Variants in PCM1 observed in about 807,000 individuals in gnomAD.
PCM1 encodes the protein pericentriolar material 1.
PCM1 carries 157 observed loss-of-function variants against 241.9 expected under a neutral mutation model. The observed-to-expected ratio is 0.65, with a 90% CI of 0.57 to 0.74. The LOEUF (loss-of-function observed/expected upper bound fraction) is 0.74, where lower values mean the gene tolerates loss of function less well. Among genes scored for constraint, PCM1 ranks in the 30% least tolerant of loss-of-function variants. The pLI, the probability that PCM1 is intolerant of heterozygous loss-of-function variation, is 0.00. For synonymous variants in PCM1, 1,085 were observed against 784.9 expected, an observed-to-expected ratio of 1.38 and a Z score of -6.39; for missense variants, 3,478 against 2,360.1, an observed-to-expected ratio of 1.47 and a Z score of -9.81.
At chr8:17,955,246 G>A (rs1439167220) in intron 9 of PCM1, among the ~76,000 whole-genome samples, 1 of 151,972 alleles carries the variant, frequency 6.6e-6, no homozygotes, top group Non-Finnish European at 1.5e-5. Context: ...TGGTTATATT[G>A]TAAAGGTGAT....
At chr8:17,953,674 C>A (rs2066916795) in intron 9 of PCM1, among the ~76,000 whole-genome samples, 1 of 152,086 alleles carries the variant, frequency 6.6e-6, no homozygotes, top group African/African-American at 2.4e-5. Flanking sequence ...GATTTATATT[C>A]ATTTTTAAAA....
chr8:17,989,678 C>G (rs1179442710), intron 26 of PCM1, among the ~76,000 whole-genome samples, 181 bp from the exon 27 acceptor site: 3 of 151,980 alleles, frequency 2.0e-5, no homozygotes, highest in Admixed American at 2.0e-4. Flanking sequence ...CTCTGTGACT[C>G]TGTATTCAGC....
Position 17,980,857 on chromosome 8 carries a change from A to G in PCM1, c.4108+102A>G, listed in dbSNP as rs898706106. ...TAAAATTGGTGTTTCACACGTATCT[A>G]TCATGTGGAAGGTTTTATAGTGGAA... On this transcript the variant is annotated intron_variant, in intron 24 of 38. Transcript: ENST00000325083. 3 of 779,020 alleles carry G rather than the reference A, an allele frequency of 3.9e-6. No homozygotes were observed. The Admixed American group carries it at 8.4e-5, about 22-fold the overall frequency. 48.3% of individuals were successfully genotyped at this position (779,020 alleles called of 1,614,324 possible).
Position 18,004,971 on chromosome 8 carries a change from T to G in PCM1, c.4828-1292T>G, listed in dbSNP as rs76525608. Among the ~76,000 whole-genome samples the G allele has an allele frequency of 5.6e-4, 86 of 152,318 alleles. 1 individual carries two copies. The East Asian group carries it at 0.015, about 27-fold the overall frequency. The stretch of plus-strand genomic sequence containing the variant: ...CTACTCTCCATCTAGGTACATTCAC[T>G]TCACATTATTCAACATTTTCCATAT... On this transcript the variant is annotated intron_variant, in intron 29 of 38. Transcript: ENST00000325083.
Position 17,964,681 on chromosome 8 carries a change from A to T in PCM1, c.2768A>T (p.Gln923Leu). The T allele has an allele frequency of 6.2e-7, 1 of 1,613,972 alleles. No homozygotes were observed. Among genetic ancestry groups the T allele is most frequent in the Non-Finnish European group, 8.5e-7 (1 of 1,179,828 alleles). ...ACAGATGAAGAGGAGGAAGAAGAGC[A>T]AGATGCCAGTTCCAATGATAACTTT... ...VRTDEEEEEE[Q>L]DASSNDNFSV... is the part of the protein sequence containing the mutation. The change falls in exon 18 of 39, where the codon CAA becomes CTA. Residue 923 changes from glutamine to leucine, a missense_variant. Transcript: ENST00000325083.
rs139309679 is a variant in PCM1 at position 17,957,919 on chromosome 8, A to C, written c.2040+144A>C. On this transcript the variant is annotated intron_variant, in intron 13 of 38. Coordinates refer to ENST00000325083, the MANE Select transcript of PCM1 (RefSeq NM_006197.4). ...GAGGTTTAAATTTTTAGCACTTTAC[A>C]TGCTGTATGTCAGAGGTCAGCAACC... The C allele has an allele frequency of 4.5e-3, 2,795 of 618,194 alleles. 7 individuals are homozygous for C. The highest frequency in any genetic ancestry group is 6.7e-3 in the Non-Finnish European group (2,386 of 358,170). 38.3% of individuals were successfully genotyped at this position (618,194 alleles called of 1,614,324 possible). A position where few individuals can be genotyped will look rare whatever the true frequency, so the allele number is the denominator to read the frequency against.
chr8:17,996,987 C>G (rs1188007321), intron 29 of PCM1, among the ~76,000 whole-genome samples: 1 of 152,090 alleles, frequency 6.6e-6, no homozygotes, highest in South Asian at 2.1e-4. Flanking sequence ...CTTTCTATTA[C>G]TGGTGAATTT....
At chr8:18,022,984 A>G (rs1353091522) in intron 36 of PCM1, among the ~76,000 whole-genome samples, 2 of 152,104 alleles carry the variant, frequency 1.3e-5, no homozygotes, top group African/African-American at 4.8e-5. Flanking sequence ...AATACATAGA[A>G]GTGTTTTTTT....
chr8:17,958,037 AATAC>A (rs562875946), intron 13 of PCM1, among the ~76,000 whole-genome samples: 44 of 152,348 alleles, frequency 2.9e-4, no homozygotes, highest in Non-Finnish European at 5.7e-4. Flanking sequence ...AGCCATACAT[AATAC>A]ATAAATGAGA....
At chr8:17,991,460 A>AT (rs1016417461) in intron 27 of PCM1, 82 bp from the exon 28 acceptor site, 8 of 1,228,150 alleles carry the variant, frequency 6.5e-6, no homozygotes, top group African/African-American at 3.0e-5. Flanking sequence ...TTGTTTGGAC[A>AT]TTTTTTTATT....
intron 7 of PCM1, among the ~76,000 whole-genome samples, chr8:17,948,294 CTTTTTT>C (rs550672840): frequency 6.1e-4 from 39 of 64,006 alleles, no homozygotes; most frequent in Non-Finnish European, 9.0e-4. Flanking sequence ...CAAATAACCT[CTTTTTT>C]TTTTTTTTTT....
chr8:17,946,832 A>AGTGTGTGTGTGTGTGTGTGT (rs368892136), intron 6 of PCM1, among the ~76,000 whole-genome samples: 2 of 138,296 alleles, frequency 1.4e-5, no homozygotes, highest in Admixed American at 7.2e-5. Context: ...TAGATTCTTC[A>AGTGTGTGTGTGTGTGTGTGT]GTGTGTGTGT....
At position 18,025,648 on chromosome 8, in the gene PCM1, A is replaced by C. The variant is rs368370125; in HGVS notation, c.6039A>C (p.Leu2013=). The C allele has an allele frequency of 2.6e-6, 4 of 1,534,336 alleles. No individual in the cohort carries two copies. Among genetic ancestry groups the C allele is most frequent in the Non-Finnish European group, 2.7e-6 (3 of 1,125,582 alleles). The part of the protein sequence containing the change: ...TEELAGNSET[L]KEPETVGAQS... Reference sequence around the variant, plus strand: ...AATTAGCTGGAAATTCTGAGACACTAAAAGAACCTGGTAAGAGTTATCAAT... The same window carrying C: ...AATTAGCTGGAAATTCTGAGACACTCAAAGAACCTGGTAAGAGTTATCAAT... The change falls in exon 38 of 39, where the codon CTA becomes CTC. Residue 2013 remains leucine, a synonymous_variant. Coordinates refer to ENST00000325083, the MANE Select transcript of PCM1 (RefSeq NM_006197.4).
intron 2 of PCM1, among the ~76,000 whole-genome samples, chr8:17,932,441 G>C (rs1324920643): frequency 6.6e-6 from 1 of 152,048 alleles, no homozygotes; most frequent in Admixed American, 6.5e-5. Flanking sequence ...ATTAGGATTA[G>C]ATAATATGTA....
At chr8:18,025,774 C>A (rs1435191147) in intron 38 of PCM1, 116 bp downstream of exon 38, 2 of 617,062 alleles carry the variant, frequency 3.2e-6, no homozygotes, top group Non-Finnish European at 5.7e-6. Context: ...AAGCCAAATA[C>A]TAGAAAGAAA....
chr8:18,004,214 G>A (rs888209336), intron 29 of PCM1, among the ~76,000 whole-genome samples: 6 of 152,088 alleles, frequency 3.9e-5, no homozygotes, highest in African/African-American at 1.4e-4. Flanking sequence ...ATACTTGAGC[G>A]AAATAGAAGT....
intron 36 of PCM1, among the ~76,000 whole-genome samples, chr8:18,018,931 T>C (rs919637196): frequency 1.7e-5 from 2 of 118,738 alleles, no homozygotes; most frequent in African/African-American, 3.4e-5. Context: ...ACATATAATA[T>C]ATAACAAAGT....
chr8:17,935,642 G>A lies in PCM1; in HGVS notation c.32G>A (p.Gly11Asp). The A allele has an allele frequency of 1.3e-6, 2 of 1,561,026 alleles. No individual in the cohort carries two copies. Among genetic ancestry groups the A allele is most frequent in the African/African-American group, 1.4e-5 (1 of 74,002 alleles). Residue 11 changes from glycine (G) to aspartate (D), a missense_variant, in exon 3 of 39, where the codon GGC becomes GAC. Gly to Asp is a moderately conservative substitution (Grantham distance 94). Coordinates refer to ENST00000325083, the MANE Select transcript of PCM1 (RefSeq NM_006197.4). MATGGGPFED[G>D]MNDQDLPNWS... The stretch of plus-strand genomic sequence containing the variant: ...ACAGGAGGAGGTCCCTTTGAAGATG[G>A]CATGAATGATCAGGATTTACCAAAC...
chr8:17,935,250 C>G (rs2060094401), intron 2 of PCM1, among the ~76,000 whole-genome samples: 1 of 152,358 alleles, frequency 6.6e-6, no homozygotes, highest in Admixed American at 6.5e-5. Context: ...GGGAGAAGTT[C>G]TGGGTCTAGC....
Sources: allele counts gnomAD v4.1 joint callset (sites outside exome capture counted in the v4.1 genomes callset), GRCh38; gene constraint gnomAD v4.1.1; transcripts MANE v1.5; gene names NCBI Gene and HGNC (gene_info 2026-07-23, HGNC 2026-07-21).